Variants in VPS4B observed in about 807,000 individuals in gnomAD.
VPS4B encodes vacuolar protein sorting-associated protein 4B.
VPS4B carries 23 observed loss-of-function variants against 56.1 expected under a neutral mutation model. That is an observed-to-expected ratio of 0.41 (90% CI 0.30 to 0.58). VPS4B has a LOEUF of 0.58. VPS4B is among the 20% of genes least tolerant of loss of function. The pLI, the probability that VPS4B is intolerant of heterozygous loss-of-function variation, is 0.29. For missense variants in VPS4B, 372 were observed against 531.9 expected, an observed-to-expected ratio of 0.70 and a Z score of 2.96; for synonymous variants, 177 against 186.0, an observed-to-expected ratio of 0.95 and a Z score of 0.39.
In VPS4B at chr18:63,389,617, C is replaced by CAT. The variant is rs35995969; in HGVS notation, c.*1357_*1358insAT. 0.6 allele frequency: 91,024 copies of CAT among 152,286 alleles called. 28,627 individuals are homozygous for CAT. The highest frequency in any genetic ancestry group is 0.88 in the East Asian group (4,540 of 5,170). 9.4% of individuals were successfully genotyped at this position (152,286 alleles called of 1,614,324 possible). A position where few individuals can be genotyped will look rare whatever the true frequency, so the allele number is the denominator to read the frequency against. On this transcript the variant is annotated 3_prime_UTR_variant, in exon 11 of 11. Transcript: ENST00000238497. ...TTATTTGAAAATATTAAAATAGCAT[C>CAT]GTTTATTATTTTTTAATGAGTCATG...
intron 2 of VPS4B, among the ~76,000 whole-genome samples, chr18:63,410,997 C>T (rs1916028666): frequency 6.6e-6 from 1 of 152,198 alleles, no homozygotes; most frequent in African/African-American, 2.4e-5. Flanking sequence ...ATGAGCCCCA[C>T]ATAGCTTACA....
intron 1 of VPS4B, among the ~76,000 whole-genome samples, chr18:63,414,302 A>C (rs892542989): frequency 6.6e-6 from 1 of 151,684 alleles, no homozygotes; most frequent in Non-Finnish European, 1.5e-5. Context: ...TCCGGGAGAC[A>C]GAGGTTGCAG....
At position 63,422,223 on chromosome 18, in the gene VPS4B, G is replaced by A. The variant is rs1195493549; in HGVS notation, c.27+10C>T. 2 of 1,511,664 alleles carry A rather than the reference G, an allele frequency of 1.3e-6. No homozygotes were observed. Among genetic ancestry groups the A allele is most frequent in the Non-Finnish European group, 1.8e-6 (2 of 1,128,416 alleles). The allele number at this position is 1,511,664 out of a possible 1,614,324, so 93.6% of individuals were successfully genotyped here. ...AGCTCCCTAGGGGGACGGGAGATGAGCAATGATACCTGGAGGTTGGGCGAA... is the reference window on the plus strand; with the variant it reads ...AGCTCCCTAGGGGGACGGGAGATGAACAATGATACCTGGAGGTTGGGCGAA... On this transcript the variant is annotated intron_variant, in intron 1 of 10. Transcript: ENST00000238497.
At chr18:63,394,728 G>A (rs1464153465) in intron 9 of VPS4B, among the ~76,000 whole-genome samples, 1 of 152,206 alleles carries the variant, frequency 6.6e-6, no homozygotes, top group Non-Finnish European at 1.5e-5. Context: ...GCCTCCCAAA[G>A]TGCTGGGATT....
At chr18:63,405,580 GT>G (rs1041128082) in intron 4 of VPS4B, among the ~76,000 whole-genome samples, 3 of 151,502 alleles carry the variant, frequency 2.0e-5, no homozygotes, top group African/African-American at 4.9e-5. Context: ...TAAGTATTTG[GT>G]TTTTTTTCTC....
In VPS4B at chr18:63,393,477, G is replaced by A; in HGVS notation, c.1165C>T (p.Pro389Ser). Reference protein sequence around the residue: ...DLLTPCSPGDPGAIEMTWMDV... With the variant: ...DLLTPCSPGDSGAIEMTWMDV... ...ATCCATGTCATTTCAATGGCACCAG[G>A]GTCACCTGGAGAGCAAGGTGTTAGC... Residue 389 changes from proline to serine, a missense_variant, in exon 10 of 11, where the codon CCT (proline) becomes TCT (serine). Pro to Ser is a moderately conservative substitution (Grantham distance 74). Around this residue, in one of 3 missense-constraint regions of VPS4B, gnomAD observed 153 missense variants for 190.9 expected, o/e 0.80. Coordinates refer to ENST00000238497, the MANE Select transcript of VPS4B (RefSeq NM_004869.4). 1 of 1,612,642 alleles carries A rather than the reference G, an allele frequency of 6.2e-7. No homozygotes were observed.
intron 3 of VPS4B, among the ~76,000 whole-genome samples, chr18:63,409,475 A>G (rs763347739): frequency 1.3e-5 from 2 of 152,226 alleles, no homozygotes; most frequent in Non-Finnish European, 2.9e-5. Flanking sequence ...CAAGCAGGCC[A>G]GATAACTCCA....
Position 63,400,589 on chromosome 18 carries a change from G to A in VPS4B, c.599C>T (p.Ser200Phe). 6.2e-7 allele frequency: 1 copy of A among 1,609,926 alleles called. No individual in the cohort carries two copies. Among genetic ancestry groups the A allele is most frequent in the African/African-American group, 1.3e-5 (1 of 74,724 alleles). ...EANNSTFFSI[S>F]SSDLVSKWLG... ...CCACTTAGAAACAAGATCAGAGGAA[G>A]ATATTGAAAAAAATGTTGAGTTGTT... Residue 200 changes from serine to phenylalanine, a missense_variant, in exon 6 of 11, where the codon TCT (serine) becomes TTT (phenylalanine). By Grantham distance (155) the Ser-to-Phe change is radical. Around this residue, in one of 3 missense-constraint regions of VPS4B, gnomAD observed 66 missense variants for 150.7 expected, o/e 0.44. Transcript: ENST00000238497.
intron 1 of VPS4B, chr18:63,415,521 C>A: frequency 3.4e-6 from 1 of 293,678 alleles, no homozygotes. Flanking sequence ...TCCCCTGGGT[C>A]AGGTTCCTTT....
rs531101190 is a variant in VPS4B at position 63,420,942 on chromosome 18, G to T, written c.27+1291C>A. Among the ~76,000 whole-genome samples, 576 of 151,166 alleles carry T rather than the reference G, an allele frequency of 3.8e-3. 1 individual carries two copies. Among genetic ancestry groups the T allele is most frequent in the Non-Finnish European group, 7.2e-3 (486 of 67,912 alleles). Reference sequence around the variant, plus strand: ...AGTCCCAGGTACTCAGGAGGCTGAGGCAAGAGAATCGCTTGAACCTGGGAG... The same window carrying T: ...AGTCCCAGGTACTCAGGAGGCTGAGTCAAGAGAATCGCTTGAACCTGGGAG... On this transcript the variant is annotated intron_variant, in intron 1 of 10. Transcript: ENST00000238497.
chr18:63,398,868 T>C (rs895687773), intron 8 of VPS4B, among the ~76,000 whole-genome samples: 1 of 152,072 alleles, frequency 6.6e-6, no homozygotes, highest in African/African-American at 2.4e-5. Context: ...GGTTATCTTA[T>C]TTTGACTTAT....
intron 5 of VPS4B, among the ~76,000 whole-genome samples, chr18:63,401,993 C>T (rs1247324801): frequency 6.6e-6 from 1 of 150,960 alleles, no homozygotes; most frequent in Admixed American, 6.6e-5. Context: ...AACTCTGTCT[C>T]AAAAAAAGAA....
At chr18:63,404,378 A>G (rs947630779) in intron 4 of VPS4B, 2 of 152,232 alleles carry the variant, frequency 1.3e-5, no homozygotes, top group East Asian at 3.8e-4. Flanking sequence ...AAGGAATGGA[A>G]GCAGATGATG....
chr18:63,393,819 C>T (rs1915610499), intron 9 of VPS4B, among the ~76,000 whole-genome samples: 2 of 152,048 alleles, frequency 1.3e-5, no homozygotes, highest in Admixed American at 6.5e-5. Context: ...TCACTGCAAC[C>T]TCCACCTCCT....
intron 4 of VPS4B, 124 bp downstream of exon 4, chr18:63,407,308 G>C (rs1915940287): frequency 1.2e-6 from 1 of 835,898 alleles, no homozygotes; most frequent in African/African-American, 1.7e-5. Flanking sequence ...ATGACTATTG[G>C]GAACCAAAGC....
At chr18:63,398,469 C>G (rs1291184887) in intron 8 of VPS4B, among the ~76,000 whole-genome samples, 1 of 151,768 alleles carries the variant, frequency 6.6e-6, no homozygotes, top group African/African-American at 2.4e-5. Context: ...ATCTGCCTAC[C>G]TTGGTTTCCC....
chr18:63,405,158 G>A (rs1460539244), intron 4 of VPS4B, among the ~76,000 whole-genome samples: 1 of 151,942 alleles, frequency 6.6e-6, no homozygotes, highest in Non-Finnish European at 1.5e-5. Flanking sequence ...TCTCATACTA[G>A]ACATGGTTTG....
chr18:63,401,085 T>C (rs966507774), intron 5 of VPS4B, among the ~76,000 whole-genome samples: 1 of 152,182 alleles, frequency 6.6e-6, no homozygotes, highest in Non-Finnish European at 1.5e-5. Flanking sequence ...TACCAGAATA[T>C]TGTACAAAAA....
intron 5 of VPS4B, among the ~76,000 whole-genome samples, chr18:63,403,336 A>C (rs1915852529): frequency 6.6e-6 from 1 of 152,224 alleles, no homozygotes; most frequent in African/African-American, 2.4e-5. Context: ...GCAAACATGG[A>C]ATCATACTAT....
Sources: gnomAD v4.1 joint callset for allele counts (sites outside exome capture counted in the v4.1 genomes callset) on GRCh38, gnomAD v4.1.1 for gene constraint, gnomAD v4.1.1 regional missense constraint, MANE v1.5 for transcripts, NCBI Gene and HGNC (gene_info 2026-07-23, HGNC 2026-07-21) for gene names.